TMC3: variants seen among roughly 807,000 people sequenced by gnomAD.
TMC3 encodes the protein transmembrane channel-like protein 3.
Under a neutral mutation model 110.6 loss-of-function variants are expected in TMC3, and 98 were observed. The ratio of observed to expected loss-of-function variants is 0.89; its 90% CI spans 0.75 to 1.05. The LOEUF (loss-of-function observed/expected upper bound fraction) is 1.05. TMC3 is among the 50% of genes least tolerant of loss of function. The pLI is 0.00. For missense variants in TMC3, 1,319 were observed against 1,373.2 expected, an observed-to-expected ratio of 0.96 and a Z score of 0.62; for synonymous variants, 489 against 513.1, an observed-to-expected ratio of 0.95 and a Z score of 0.63.
rs760241635 is a variant in TMC3 at position 81,349,497 on chromosome 15, A to C, written c.1154T>G (p.Met385Arg). The change falls in exon 11 of 22, where the codon ATG (methionine) becomes AGG (arginine). Residue 385 changes from methionine to arginine, a missense_variant. Physicochemically the swap from Met to Arg is moderately conservative, Grantham distance 91 (BLOSUM62 -1). Transcript: ENST00000359440. Reference sequence around the variant, plus strand: ...GCGCAGCGTGGTCCTGGGGTGGTACATCTCTAAGGCAGCAATGAGGTCAAA... The same window carrying C: ...GCGCAGCGTGGTCCTGGGGTGGTACCTCTCTAAGGCAGCAATGAGGTCAAA... Reference protein sequence around the residue: ...SAFDLIAALEMYHPRTTLRFQ... With the variant: ...SAFDLIAALERYHPRTTLRFQ... The C allele has an allele frequency of 5.1e-6, 8 of 1,557,712 alleles. No homozygotes were observed. Among genetic ancestry groups the C allele is most frequent in the Non-Finnish European group, 6.1e-6 (7 of 1,150,808 alleles).
intron 15 of TMC3, among the ~76,000 whole-genome samples, chr15:81,342,546 T>A (rs1177663908): frequency 6.6e-6 from 1 of 152,224 alleles, no homozygotes; most frequent in Non-Finnish European, 1.5e-5. Flanking sequence ...GTAAAGATAT[T>A]TTGCAAAATA....
In TMC3 at chr15:81,343,973, C is replaced by A; in HGVS notation, c.1591G>T (p.Gly531Ter). 6.2e-7 allele frequency: 1 copy of A among 1,613,366 alleles called. No individual in the cohort carries two copies. Among genetic ancestry groups the A allele is most frequent in the Non-Finnish European group, 8.5e-7 (1 of 1,179,552 alleles). The change falls in exon 14 of 22, where the codon GGA becomes TGA. Residue 531 changes from glycine (G) to a stop codon, truncating the protein, a stop_gained. Transcript: ENST00000359440. LOFTEE classifies it high-confidence loss of function. ...ASILLIDFFR[G>*]LFVRYLSDYW... ...TCACTTAAGTACCGCACGAAAAGTCCTCGGAAGAAGTCTATGAGCAGAATG... is the reference window on the plus strand; with the variant it reads ...TCACTTAAGTACCGCACGAAAAGTCATCGGAAGAAGTCTATGAGCAGAATG...
intron 2 of TMC3, among the ~76,000 whole-genome samples, chr15:81,371,575 T>G (rs1011790318): frequency 6.6e-6 from 1 of 152,326 alleles, no homozygotes; most frequent in African/African-American, 2.4e-5. Context: ...GTACAGGCCA[T>G]GAAGGCAACT....
rs370221236 is a variant in TMC3, at chr15:81,340,367, TAATA to T, written c.1845-867_1845-864del. On this transcript the variant is annotated intron_variant, in intron 16 of 21. Coordinates refer to ENST00000359440, the MANE Select transcript of TMC3 (RefSeq NM_001080532.3). ...GTCTATCCACAGACATACATACATATAATAAATATACATACACATATATAACATA... is the reference window on the plus strand; with the variant it reads ...GTCTATCCACAGACATACATACATATAATATACATACACATATATAACATA... Among the ~76,000 whole-genome samples the T allele has an allele frequency of 4.6e-3, 694 of 152,254 alleles. 11 individuals are homozygous for T. The highest frequency in any genetic ancestry group is 0.022 in the East Asian group (112 of 5,184).
intron 10 of TMC3, 83 bp downstream of exon 10, chr15:81,351,611 C>G: frequency 6.7e-7 from 1 of 1,502,098 alleles, no homozygotes; most frequent in Non-Finnish European, 9.0e-7. Flanking sequence ...CCCAGCCTCC[C>G]AAAGTGCTGG....
rs112954917 is a variant in TMC3, at chr15:81,353,528, A to G, written c.936-1687T>C. Among the ~76,000 whole-genome samples the G allele has an allele frequency of 3.3e-3, 497 of 152,214 alleles. 1 individual carries two copies. The highest frequency in any genetic ancestry group is 0.014 in the Middle Eastern group (4 of 294). On this transcript the variant is annotated intron_variant, in intron 9 of 21. Transcript: ENST00000359440. ...TTTTAATCTTTTATACCACATTTTT[A>G]TTGTACCTTTCTATGTCTAGATATG...
chr15:81,349,764 T>TG (rs1232787658), intron 10 of TMC3, among the ~76,000 whole-genome samples, 197 bp from the exon 11 acceptor site: 1 of 150,674 alleles, frequency 6.6e-6, no homozygotes, highest in African/African-American at 2.5e-5. Context: ...ATGGTCTTTT[T>TG]TTTTTTTTTT....
intron 16 of TMC3, among the ~76,000 whole-genome samples, chr15:81,339,724 C>A (rs191339064): frequency 6.6e-6 from 1 of 152,208 alleles, no homozygotes; most frequent in Non-Finnish European, 1.5e-5. Context: ...TCCCACCCAA[C>A]CTGTTCATCT....
intron 15 of TMC3, chr15:81,342,679 T>C (rs1484877303): frequency 6.6e-6 from 1 of 152,244 alleles, no homozygotes; most frequent in Non-Finnish European, 1.5e-5. Context: ...GTTCTTGTTT[T>C]TTGTTCGTTT....
At chr15:81,357,206 G>C (rs2141715623) in intron 7 of TMC3, among the ~76,000 whole-genome samples, 2 of 152,070 alleles carry the variant, frequency 1.3e-5, no homozygotes, top group South Asian at 4.2e-4. Context: ...CTTCCATGTG[G>C]GTCCTGGAAG....
In TMC3 at chr15:81,332,503, G is replaced by C; in HGVS notation, c.3219C>G (p.Ser1073=). 1 of 1,613,444 alleles carries C rather than the reference G, an allele frequency of 6.2e-7. No homozygotes were observed. The highest frequency in any genetic ancestry group is 8.5e-7 in the Non-Finnish European group (1 of 1,179,714). ...CCTTCCTCCTGCTGGGCTGGCCCAC[G>C]GACCTCGGGAACCTGCCCTGGCTGT... The part of the protein sequence containing the change: ...VTHSQGRFPR[S]VGQPSRRKAK... The change falls in exon 22 of 22, where the codon TCC becomes TCG. Residue 1073 remains serine (S), a synonymous_variant. Coordinates refer to ENST00000359440, the MANE Select transcript of TMC3 (RefSeq NM_001080532.3).
At chr15:81,356,692 C>T (rs1249595727) in intron 7 of TMC3, 98 bp from the exon 8 acceptor site, 7 of 1,369,304 alleles carry the variant, frequency 5.1e-6, no homozygotes, top group Non-Finnish European at 6.9e-6. Context: ...ATAGGCTGCA[C>T]CCCTCTGGGT....
Position 81,345,016 on chromosome 15 carries a change from GGAGAGAGA to G in TMC3, c.1273-13_1273-6del, listed in dbSNP as rs147678536. The stretch of plus-strand genomic sequence containing the variant: ...GTTATTTTTGGTAGCCATTTCCTGG[GGAGAGAGA>G]GAGAGAGAGAGAGGGAAGCAGGGGA... On this transcript the variant is annotated splice_region_variant and splice_polypyrimidine_tract_variant and intron_variant, in intron 12 of 21. Transcript: ENST00000359440. The G allele has an allele frequency of 1.1e-5, 16 of 1,392,298 alleles. No individual in the cohort carries two copies. Among genetic ancestry groups the G allele is most frequent in the Non-Finnish European group, 1.5e-5 (15 of 1,021,970 alleles). 86.2% of individuals were successfully genotyped at this position (1,392,298 alleles called of 1,614,324 possible). A position where few individuals can be genotyped will look rare whatever the true frequency, so the allele number is the denominator to read the frequency against.
intron 6 of TMC3, 49 bp from the exon 7 acceptor site, chr15:81,358,340 C>A: frequency 6.2e-7 from 1 of 1,601,008 alleles, no homozygotes; most frequent in Non-Finnish European, 8.5e-7. Flanking sequence ...TCCCAGGTCT[C>A]AGAACTGTGG....
At chr15:81,371,981 A>C (rs959787878) in intron 2 of TMC3, among the ~76,000 whole-genome samples, 36 of 152,338 alleles carry the variant, frequency 2.4e-4, no homozygotes, top group Middle Eastern at 3.4e-3. Context: ...TTAATATCAC[A>C]TAGATAGAAA....
chr15:81,346,365 C>G lies in TMC3; in HGVS notation c.1272G>C (p.Glu424Asp), dbSNP rs780520487. 10 of 1,613,474 alleles carry G rather than the reference C, an allele frequency of 6.2e-6. No individual in the cohort carries two copies. Among genetic ancestry groups the G allele is most frequent in the South Asian group, 1.1e-5 (1 of 90,908 alleles). The change falls in exon 12 of 22, where the codon GAG (glutamate) becomes GAC (aspartate). Residue 424 changes from glutamate to aspartate, a missense_variant and splice_region_variant. Transcript: ENST00000359440. Reference protein sequence around the residue: ...LLDKVNSMSIEEMATKNNTSH... With the variant: ...LLDKVNSMSIDEMATKNNTSH... ...GCAACTATCTGGGATGGGCACTCAC[C>G]TCAATGCTCATGCTGTTAACTTTGT... is the stretch of plus-strand genomic sequence containing the variant.
chr15:81,369,778 T>G (rs1040123393), intron 2 of TMC3, among the ~76,000 whole-genome samples: 1 of 151,896 alleles, frequency 6.6e-6, no homozygotes, highest in Non-Finnish European at 1.5e-5. Context: ...TTAAAAAAAT[T>G]AGCTGGATGT....
rs1168794403 is a variant in TMC3, at chr15:81,351,896, C to T, written c.936-55G>A. On this transcript the variant is annotated intron_variant, in intron 9 of 21. Coordinates refer to ENST00000359440, the MANE Select transcript of TMC3 (RefSeq NM_001080532.3). Reference sequence around the variant, plus strand: ...ACACAGGGTCCTGCTCACAGCACCACGATGCAAAGACAACACTACTTGGGG... The same window carrying T: ...ACACAGGGTCCTGCTCACAGCACCATGATGCAAAGACAACACTACTTGGGG... 14 of 1,583,910 alleles carry T rather than the reference C, an allele frequency of 8.8e-6. No homozygotes were observed. The East Asian group carries it at 1.4e-4, about 16-fold the overall frequency.
intron 3 of TMC3, among the ~76,000 whole-genome samples, chr15:81,362,685 A>T (rs1191033552): frequency 6.6e-6 from 1 of 152,188 alleles, no homozygotes; most frequent in Admixed American, 6.5e-5. Flanking sequence ...AACTTTTGGC[A>T]ATTACATCTT....
Sources: allele counts gnomAD v4.1 joint callset (sites outside exome capture counted in the v4.1 genomes callset), GRCh38; gene constraint gnomAD v4.1.1; transcripts MANE v1.5; gene names NCBI Gene and HGNC (gene_info 2026-07-23, HGNC 2026-07-21).